Variants in PLD2 observed in about 807,000 individuals in gnomAD.
The protein encoded by PLD2 is phospholipase D2, also known as choline phosphatase 2.
A neutral mutation model predicts 119.8 loss-of-function variants in PLD2; 101 were observed. The ratio of observed to expected loss-of-function variants is 0.84; its 90% CI spans 0.72 to 0.99. PLD2 has a LOEUF of 0.99. Ranked by LOEUF, PLD2 falls within the 50% of genes least tolerant of loss-of-function variation. The pLI is 0.00. For missense variants in PLD2, 1,164 were observed against 1,226.8 expected (o/e 0.95, Z 0.76); for synonymous variants, 494 against 482.8 (o/e 1.02, Z -0.30).
At position 4,807,470 on chromosome 17, in the gene PLD2, C is replaced by G. The variant is rs1202203652; in HGVS notation, c.-2+245C>G. The G allele has an allele frequency of 3.7e-6, 1 of 269,452 alleles. No homozygotes were observed. Among genetic ancestry groups the G allele is most frequent in the Admixed American group, 4.7e-5 (1 of 21,076 alleles). 16.7% of individuals were successfully genotyped at this position (269,452 alleles called of 1,614,324 possible). On this transcript the variant is annotated intron_variant, in intron 1 of 24. Transcript: ENST00000263088. This position sits in a 1 kb window ranked among gnomAD's most constrained non-coding sequence, Gnocchi z 5.4. ...CACCCAGGGCCGCTTCCCCGCGCAG[C>G]TGCTGCGCCGCCCCAGGTCGGAGCC...
intron 10 of PLD2, 128 bp downstream of exon 10, chr17:4,811,079 T>C: frequency 2.3e-6 from 2 of 865,000 alleles, no homozygotes; most frequent in South Asian, 3.5e-5. Flanking sequence ...CCGTGACTTC[T>C]TTAATCTTCC....
At chr17:4,815,970 C>T in intron 14 of PLD2, 36 bp downstream of exon 14, 2 of 1,415,810 alleles carry the variant, frequency 1.4e-6, no homozygotes, top group Non-Finnish European at 2.0e-6. Flanking sequence ...CACCCCCAAA[C>T]TCAGATAAGC....
chr17:4,811,891 G>A (rs561332216), intron 10 of PLD2, among the ~76,000 whole-genome samples: 2 of 151,754 alleles, frequency 1.3e-5, no homozygotes, highest in South Asian at 2.1e-4. Flanking sequence ...CATGGCTCAC[G>A]GCAACTTCAA....
chr17:4,817,451 C>T (rs1367704419), intron 17 of PLD2, 192 bp downstream of exon 17: 6 of 585,872 alleles, frequency 1.0e-5, no homozygotes, highest in South Asian at 7.7e-5. Context: ...TCACAAGGTC[C>T]GGAGATCGAG....
At chr17:4,818,246 G>A in intron 18 of PLD2, 51 bp from the exon 19 acceptor site, 1 of 1,545,206 alleles carries the variant, frequency 6.5e-7, no homozygotes, top group African/African-American at 1.4e-5. Context: ...GGAGGCCGAG[G>A]ACAGGGCCAG....
At position 4,810,949 on chromosome 17, in the gene PLD2, G is replaced by A. The variant is rs147917834; in HGVS notation, c.1008G>A (p.Arg336=). ...YAPPRPGTLA[R]WFVNGAGYFA... is the part of the protein sequence containing the mutation. ...CACCCCGGCCTGGGACCTTGGCCCGGTGGTGAGACACTGACATCCCTTCTG... is the reference window on the plus strand; with the variant it reads ...CACCCCGGCCTGGGACCTTGGCCCGATGGTGAGACACTGACATCCCTTCTG... Residue 336 remains arginine, a splice_region_variant and synonymous_variant, in exon 10 of 25, where the codon CGG becomes CGA. Coordinates refer to ENST00000263088, the MANE Select transcript of PLD2 (RefSeq NM_002663.5). 1,600 of 1,608,582 alleles carry A rather than the reference G, an allele frequency of 9.9e-4. 1 individual carries two copies. The highest frequency in any genetic ancestry group is 1.3e-3 in the Non-Finnish European group (1,486 of 1,178,848).
intron 15 of PLD2, 82 bp downstream of exon 15, chr17:4,816,828 G>A: frequency 6.2e-7 from 1 of 1,601,454 alleles, no homozygotes; most frequent in South Asian, 1.1e-5. Context: ...TGGGATGAGA[G>A]GGGTCAACGG....
At chr17:4,816,007 G>T in intron 14 of PLD2, 73 bp downstream of exon 14, 1 of 1,127,078 alleles carries the variant, frequency 8.9e-7, no homozygotes, top group Non-Finnish European at 1.3e-6. Context: ...CCCAGCTCCA[G>T]CCTTACCCCC....
rs1222725773 is a variant in PLD2 at position 4,810,815 on chromosome 17, A to T, written c.874A>T (p.Lys292Ter). The change falls in exon 10 of 25, where the codon AAG becomes TAG. Residue 292 changes from lysine to a stop codon, truncating the protein, a stop_gained. Transcript: ENST00000263088. LOFTEE classifies it high-confidence loss of function. Reference sequence around the variant, plus strand: ...GTTCCCATCCAGGTCCTTGATTCTCAAGTGCAGCAGCTACCGGCAGGCACG... The same window carrying T: ...GTTCCCATCCAGGTCCTTGATTCTCTAGTGCAGCAGCTACCGGCAGGCACG... Reference protein sequence around the residue: ...IDTSHRSLILKCSSYRQARWW... With the variant: ...IDTSHRSLIL 6.2e-7 allele frequency: 1 copy of T among 1,612,056 alleles called. No homozygotes were observed. The highest frequency in any genetic ancestry group is 2.2e-5 in the East Asian group (1 of 44,784).
intron 24 of PLD2, 45 bp from the exon 25 acceptor site, chr17:4,822,595 G>A: frequency 7.3e-7 from 1 of 1,367,476 alleles, no homozygotes; most frequent in Non-Finnish European, 1.0e-6. Context: ...AGATTGTTGG[G>A]AGAGTCTCCC....
rs1291016869 is a variant in PLD2 at position 4,810,959 on chromosome 17, A to C, written c.1010+8A>C. 1.1e-5 allele frequency: 18 copies of C among 1,606,200 alleles called. No individual in the cohort carries two copies. Among genetic ancestry groups the C allele is most frequent in the Non-Finnish European group, 1.5e-5 (18 of 1,178,168 alleles). ...TGGGACCTTGGCCCGGTGGTGAGACACTGACATCCCTTCTGAGCTTGTCTG... is the reference window on the plus strand; with the variant it reads ...TGGGACCTTGGCCCGGTGGTGAGACCCTGACATCCCTTCTGAGCTTGTCTG... On this transcript the variant is annotated splice_region_variant and intron_variant, in intron 10 of 24. Coordinates refer to ENST00000263088, the MANE Select transcript of PLD2 (RefSeq NM_002663.5).
At position 4,822,643 on chromosome 17, in the gene PLD2, T is replaced by G; in HGVS notation, c.2581T>G (p.Phe861Val). 6.2e-7 allele frequency: 1 copy of G among 1,603,730 alleles called. No homozygotes were observed. Among genetic ancestry groups the G allele is most frequent in the Non-Finnish European group, 8.5e-7 (1 of 1,172,856 alleles). Reference protein sequence around the residue: ...ESNANIYEQIFRCLPSNATRS... With the variant: ...ESNANIYEQIVRCLPSNATRS... ...GCGTCCATGCCCCCGCCCACAGATC[T>G]TCCGCTGCCTGCCATCCAATGCCAC... The change falls in exon 25 of 25, where the codon TTC (phenylalanine) becomes GTC (valine). Residue 861 changes from phenylalanine to valine, a missense_variant. By Grantham distance (50) the Phe-to-Val change is conservative (BLOSUM62 -1). Transcript: ENST00000263088.
chr17:4,808,239 G>T lies in PLD2; in HGVS notation c.241-35G>T. The T allele has an allele frequency of 1.2e-6, 2 of 1,610,210 alleles. No homozygotes were observed. The highest frequency in any genetic ancestry group is 1.1e-5 in the South Asian group (1 of 90,744). ...CCAGAGTGGGGAGGCGGGGACCCAC[G>T]CAGGGGACATCCATTCAGTTCCTCA... is the stretch of plus-strand genomic sequence containing the variant. On this transcript the variant is annotated intron_variant, in intron 3 of 24. Coordinates refer to ENST00000263088, the MANE Select transcript of PLD2 (RefSeq NM_002663.5). This position sits in a 1 kb window ranked among gnomAD's most constrained non-coding sequence, Gnocchi z 4.1.
Position 4,814,667 on chromosome 17 carries a change from C to G in PLD2, c.1129C>G (p.His377Asp). Residue 377 changes from histidine to aspartate, a missense_variant, in exon 12 of 25, where the codon CAT becomes GAT. Transcript: ENST00000263088. ...TGAGGTTTACCTGAAGCGTCCGGCC[C>G]ATTCAGATGACTGGAGACTGGACAT... ...SPEVYLKRPA[H>D]SDDWRLDIML... 1 of 1,614,090 alleles carries G rather than the reference C, an allele frequency of 6.2e-7. No homozygotes were observed.
At position 4,810,796 on chromosome 17, in the gene PLD2, A is replaced by G. The variant is rs753241376; in HGVS notation, c.861-6A>G. 6.2e-7 allele frequency: 1 copy of G among 1,609,800 alleles called. No homozygotes were observed. Among genetic ancestry groups the G allele is most frequent in the Non-Finnish European group, 8.5e-7 (1 of 1,177,572 alleles). ...GATTTATGGACATCTCATCGTTCCC[A>G]TCCAGGTCCTTGATTCTCAAGTGCA... On this transcript the variant is annotated splice_region_variant and splice_polypyrimidine_tract_variant and intron_variant, in intron 9 of 24. Transcript: ENST00000263088.
rs531946799 is a variant in PLD2, at chr17:4,817,964, G to T, written c.1816-38G>T. 175 of 1,442,996 alleles carry T rather than the reference G, an allele frequency of 1.2e-4. 2 individuals carry two copies. The South Asian group carries it at 1.3e-3, about 11-fold the overall frequency. The allele number at this position is 1,442,996 out of a possible 1,614,324, so 89.4% of individuals were successfully genotyped here. A position where few individuals can be genotyped will look rare whatever the true frequency, so the allele number is the denominator to read the frequency against. The stretch of plus-strand genomic sequence containing the variant: ...CAGAGCGAGACTCTGTCTTAAAAAA[G>T]AAAAGAAATGAAGCACATCGCATTC... On this transcript the variant is annotated intron_variant, in intron 17 of 24. Transcript: ENST00000263088.
intron 14 of PLD2, among the ~76,000 whole-genome samples, chr17:4,816,332 G>A (rs1284562643): frequency 3.3e-5 from 5 of 150,860 alleles, no homozygotes; most frequent in African/African-American, 2.4e-5. Flanking sequence ...GCAGTGAGCC[G>A]AGATTGTGCC....
In PLD2 at chr17:4,808,000, G is replaced by T. The variant is rs766939679; in HGVS notation, c.126G>T (p.Pro42=). The stretch of plus-strand genomic sequence containing the variant: ...TCCTCCCAGCCGACCGGATGCACCC[G>T]TTTCTGGCCATCTATGAGCTTCAGT... ...EGEDPADRMH[P]FLAIYELQSL... Residue 42 remains proline, a synonymous_variant, in exon 3 of 25, where the codon CCG becomes CCT. Coordinates refer to ENST00000263088, the MANE Select transcript of PLD2 (RefSeq NM_002663.5). This position sits in a 1 kb window ranked among gnomAD's most constrained non-coding sequence, Gnocchi z 5.4. 2.5e-6 allele frequency: 4 copies of T among 1,609,612 alleles called. 1 individual carries two copies. The South Asian group carries it at 4.4e-5, about 18-fold the overall frequency.
Position 4,821,862 on chromosome 17 carries a change from G to GT in PLD2, c.2534dup (p.Leu845PhefsTer7), listed in dbSNP as rs1421291589. On this transcript the variant is annotated frameshift_variant, in exon 24 of 25. Coordinates refer to ENST00000263088, the MANE Select transcript of PLD2 (RefSeq NM_002663.5). LOFTEE classifies it high-confidence loss of function. The stretch of plus-strand genomic sequence containing the variant: ...ACCCCATCTGTGATGACTTCTTCCA[G>GT]TTGTGGCAAGACATGGCTGAGAGCA... The GT allele has an allele frequency of 1.9e-6, 3 of 1,613,934 alleles. No individual in the cohort carries two copies. The highest frequency in any genetic ancestry group is 3.3e-5 in the Admixed American group (2 of 59,968).
Sources: allele counts gnomAD v4.1 joint callset (sites outside exome capture counted in the v4.1 genomes callset), GRCh38; gene constraint gnomAD v4.1.1; non-coding constraint Gnocchi (gnomAD v3.1); transcripts MANE v1.5; gene names NCBI Gene and HGNC (gene_info 2026-07-23, HGNC 2026-07-21).